ADGRG5: variants seen among roughly 807,000 people sequenced by gnomAD.
ADGRG5 encodes G protein-coupled receptor 114.
ADGRG5 carries 37 observed loss-of-function variants against 53.2 expected under a neutral mutation model. That is an observed-to-expected ratio of 0.70 (90% confidence interval 0.53 to 0.91). ADGRG5 has a LOEUF of 0.91. ADGRG5 is among the 40% of genes least tolerant of loss of function. The pLI is 0.00. For synonymous variants in ADGRG5, 277 were observed against 290.4 expected, an observed-to-expected ratio of 0.95 and a Z score of 0.47; for missense variants, 614 against 675.8, an observed-to-expected ratio of 0.91 and a Z score of 1.01.
At chr16:57,555,364 G>A (rs907488665) in intron 1 of ADGRG5, among the ~76,000 whole-genome samples, 1 of 152,130 alleles carries the variant, frequency 6.6e-6, no homozygotes, top group Non-Finnish European at 1.5e-5. Flanking sequence ...CATGAGATCT[G>A]ATGGTTTTAT....
intron 1 of ADGRG5, among the ~76,000 whole-genome samples, chr16:57,560,029 A>G: frequency 6.6e-6 from 1 of 152,186 alleles, no homozygotes; most frequent in South Asian, 2.1e-4. Context: ...CATCTCAAAA[A>G]ACAATTTTTC....
At chr16:57,533,012 A>T in the ADGRG5 span, among the ~76,000 whole-genome samples, 1 of 152,178 alleles carries the variant, frequency 6.6e-6, no homozygotes, top group Non-Finnish European at 1.5e-5. Flanking sequence ...GGCTTGGCCC[A>T]GAGAGGGCCA....
Position 57,563,924 on chromosome 16 carries a change from G to A in ADGRG5, c.374G>A (p.Arg125His), listed in dbSNP as rs371259029. ...CTGACCCGGGACGCCTGCAAGACCCGCCCCAGGGAGCTGCGGCTCATCTGT... is the reference window on the plus strand; with the variant it reads ...CTGACCCGGGACGCCTGCAAGACCCACCCCAGGGAGCTGCGGCTCATCTGT... ...AELTRDACKT[R>H]PRELRLICIY... is the part of the protein sequence containing the mutation. The change falls in exon 5 of 12, where the codon CGC (arginine) becomes CAC (histidine). Residue 125 changes from arginine to histidine, a missense_variant. Transcript: ENST00000349457. 1.8e-5 allele frequency: 29 copies of A among 1,613,952 alleles called. No individual in the cohort carries two copies. Among genetic ancestry groups the A allele is most frequent in the African/African-American group, 1.3e-4 (10 of 74,916 alleles).
chr16:57,554,686 C>G (rs1479093328), intron 1 of ADGRG5, among the ~76,000 whole-genome samples: 1 of 152,094 alleles, frequency 6.6e-6, no homozygotes, highest in Non-Finnish European at 1.5e-5. Context: ...ATAATTTTAT[C>G]TTTATTATTT....
upstream of ADGRG5, among the ~76,000 whole-genome samples, chr16:57,542,265 G>A (rs1338855093): frequency 2.6e-5 from 4 of 152,192 alleles, no homozygotes; most frequent in Admixed American, 2.0e-4. Context: ...AGGTCAGGCA[G>A]GGATCATTTT....
chr16:57,564,074 G>T (rs2033071080), intron 5 of ADGRG5, 95 bp downstream of exon 5: 4 of 1,396,990 alleles, frequency 2.9e-6, no homozygotes, highest in African/African-American at 1.4e-5. Flanking sequence ...TGGGTGACCA[G>T]CACTGAGTGA....
intron 3 of ADGRG5, 40 bp downstream of exon 3, chr16:57,562,499 A>G: frequency 7.1e-7 from 1 of 1,404,912 alleles, no homozygotes; most frequent in Non-Finnish European, 9.9e-7. Context: ...CTGCACCTTG[A>G]ATCAGTGGGT....
the ADGRG5 span, among the ~76,000 whole-genome samples, chr16:57,534,300 C>T: frequency 3.3e-3 from 499 of 152,314 alleles, 3 homozygotes; most frequent in Non-Finnish European, 5.8e-3. Context: ...GGCTCCTGAA[C>T]CCCAGCCCCA....
chr16:57,540,509 C>T (rs2032474245), upstream of ADGRG5, among the ~76,000 whole-genome samples: 1 of 152,062 alleles, frequency 6.6e-6, no homozygotes, highest in Non-Finnish European at 1.5e-5. Context: ...GGCAGGCTTC[C>T]TACTGCTCAA....
Position 57,567,839 on chromosome 16 carries a change from CA to C in ADGRG5, c.822-16del. 6.2e-7 allele frequency: 1 copy of C among 1,601,152 alleles called. No individual in the cohort carries two copies. Among genetic ancestry groups the C allele is most frequent in the Non-Finnish European group, 8.5e-7 (1 of 1,176,492 alleles). ...GTGATGTCCCTGGGCCATGGAGGAC[CA>C]TTCTCTCACCTGCAGGAAGCAGAGT... On this transcript the variant is annotated splice_polypyrimidine_tract_variant and intron_variant, in intron 8 of 11. Transcript: ENST00000349457.
Position 57,562,102 on chromosome 16 carries a change from C to A in ADGRG5, c.9C>A (p.His3Gln). The change falls in exon 2 of 12, where the codon CAC (histidine) becomes CAA (glutamine). Residue 3 changes from histidine (H) to glutamine (Q), a missense_variant. Transcript: ENST00000349457. ...GAGACTCTGCACAGGGCATGGATCA[C>A]TGTGGTGCCCTTTTCCTGTGCCTGT... MD[H>Q]CGALFLCLCL... 6.3e-7 allele frequency: 1 copy of A among 1,594,266 alleles called. No homozygotes were observed. The highest frequency in any genetic ancestry group is 8.6e-7 in the Non-Finnish European group (1 of 1,166,970).
chr16:57,567,541 C>G lies in ADGRG5; in HGVS notation c.771C>G (p.Ser257Arg). Residue 257 changes from serine (S) to arginine (R), a missense_variant, in exon 8 of 12, where the codon AGC becomes AGG. Physicochemically the swap from Ser to Arg is moderately radical, Grantham distance 110. Coordinates refer to ENST00000349457, the MANE Select transcript of ADGRG5 (RefSeq NM_001304376.3). The stretch of plus-strand genomic sequence containing the variant: ...CGTACATCTCCCTCGTGGGCTGCAG[C>G]ATCTCCATCGTGGCCTCGCTGATCA... ...PLTYISLVGC[S>R]ISIVASLITV... is the part of the protein sequence containing the mutation. 4 of 1,611,986 alleles carry G rather than the reference C, an allele frequency of 2.5e-6. No homozygotes were observed. Among genetic ancestry groups the G allele is most frequent in the Non-Finnish European group, 3.4e-6 (4 of 1,179,900 alleles).
At position 57,547,698 on chromosome 16, in the gene ADGRG5, C is replaced by T. The variant is rs550532587; in HGVS notation, c.-39+4997C>T. Among the ~76,000 whole-genome samples, 349 of 152,258 alleles carry T rather than the reference C, an allele frequency of 2.3e-3. 2 individuals are homozygous for T. Among genetic ancestry groups the T allele is most frequent in the African/African-American group, 7.9e-3 (330 of 41,546 alleles). ...CTGACCTTGTGATCCGCGCCTGCCTCGGCCTCCCAGAGTGCTGGGATTACA... is the reference window on the plus strand; with the variant it reads ...CTGACCTTGTGATCCGCGCCTGCCTTGGCCTCCCAGAGTGCTGGGATTACA... On this transcript the variant is annotated intron_variant, in intron 1 of 11. Coordinates refer to ENST00000349457, the MANE Select transcript of ADGRG5 (RefSeq NM_001304376.3).
rs997303511 is a variant in ADGRG5 at position 57,553,445 on chromosome 16, A to G, written c.-38-8611A>G. 2.0e-5 allele frequency among the ~76,000 whole-genome samples: 3 copies of G among 152,222 alleles called. No homozygotes were observed. In the South Asian group the frequency reaches 6.2e-4, roughly 32 times the overall value. On this transcript the variant is annotated intron_variant, in intron 1 of 11. Transcript: ENST00000349457. ...TTGTTGAATCAATTATCCTTTCTCTATTGAATTATCTTTGCATCTTTGTCA... is the reference window on the plus strand; with the variant it reads ...TTGTTGAATCAATTATCCTTTCTCTGTTGAATTATCTTTGCATCTTTGTCA...
At chr16:57,562,646 A>G (rs1353504256) in intron 3 of ADGRG5, 187 bp downstream of exon 3, 3 of 580,944 alleles carry the variant, frequency 5.2e-6, no homozygotes, top group African/African-American at 1.9e-5. Context: ...TCATCGAGGA[A>G]TGGGGGCCCT....
Position 57,574,232 on chromosome 16 carries a change from C to T in ADGRG5, c.1209-583C>T, listed in dbSNP as rs1176356821. On this transcript the variant is annotated intron_variant, in intron 10 of 11. Transcript: ENST00000349457. This position sits in a 1 kb window ranked among gnomAD's most constrained non-coding sequence, Gnocchi z 4.4. The stretch of plus-strand genomic sequence containing the variant: ...CTCTCTGCTCAGCCCTCAGTGGGCT[C>T]TCCTGCGGCTCTGTGTGCTCTCAGG... 6.6e-6 allele frequency among the ~76,000 whole-genome samples: 1 copy of T among 152,202 alleles called. No homozygotes were observed. The highest frequency in any genetic ancestry group is 1.5e-5 in the Non-Finnish European group (1 of 68,040).
chr16:57,549,710 G>T (rs1213819664), intron 1 of ADGRG5, among the ~76,000 whole-genome samples: 2 of 152,094 alleles, frequency 1.3e-5, no homozygotes, highest in African/African-American at 4.8e-5. Flanking sequence ...AGGCCCTTTT[G>T]TAGTTAATAT....
intron 3 of ADGRG5, 135 bp downstream of exon 3, chr16:57,562,594 T>TG (rs1176311376): frequency 1.6e-5 from 10 of 624,592 alleles, no homozygotes; most frequent in African/African-American, 1.5e-4. Context: ...CACTAGGCTC[T>TG]GGGGATGCAG....
rs563700969 is a variant in ADGRG5, at chr16:57,570,554, G to A, written c.1208+19G>A. On this transcript the variant is annotated intron_variant, in intron 10 of 11. Transcript: ENST00000349457. Reference sequence around the variant, plus strand: ...TGTCCATGTGAGTGCCCTCAGGGCTGCAGTGGGCTCCCTGGCTCTGGCAGA... The same window carrying A: ...TGTCCATGTGAGTGCCCTCAGGGCTACAGTGGGCTCCCTGGCTCTGGCAGA... 1,288 of 1,551,420 alleles carry A rather than the reference G, an allele frequency of 8.3e-4. 25 individuals carry two copies. In the South Asian group the frequency reaches 0.013, roughly 16 times the overall value.
Sources: gnomAD v4.1 joint callset for allele counts (sites outside exome capture counted in the v4.1 genomes callset) on GRCh38, gnomAD v4.1.1 for gene constraint, Gnocchi (gnomAD v3.1) non-coding constraint, MANE v1.5 for transcripts, NCBI Gene and HGNC (gene_info 2026-07-23, HGNC 2026-07-21) for gene names.